MAST2: variants seen among roughly 807,000 people sequenced by gnomAD.
MAST2 encodes the protein microtubule-associated serine/threonine-protein kinase 2.
In MAST2, 70 loss-of-function variants were observed where a neutral mutation model predicts 147.4. The ratio of observed to expected loss-of-function variants is 0.47; its 90% CI spans 0.39 to 0.58. The LOEUF (loss-of-function observed/expected upper bound fraction) is 0.58. Ranked by LOEUF, MAST2 falls within the 20% of genes least tolerant of loss-of-function variation. The probability of loss-of-function intolerance (pLI) is 0.00; values close to 1 mark genes in which losing one functional copy is unlikely to be tolerated. For synonymous variants in MAST2, 869 were observed against 896.8 expected, an observed-to-expected ratio of 0.97 and a Z score of 0.55; for missense variants, 2,080 against 2,302.3, an observed-to-expected ratio of 0.90 and a Z score of 1.98.
chr1:45,919,195 C>T (rs1653049749), intron 4 of MAST2, among the ~76,000 whole-genome samples: 1 of 151,820 alleles, frequency 6.6e-6, no homozygotes, highest in South Asian at 2.1e-4. Context: ...TTATTTGAAC[C>T]CATGATGATT....
At chr1:45,842,793 T>A (rs1645317548) in intron 3 of MAST2, among the ~76,000 whole-genome samples, 1 of 152,212 alleles carries the variant, frequency 6.6e-6, no homozygotes, top group Non-Finnish European at 1.5e-5. Context: ...TCAGTTCTTT[T>A]GGGGATATAC....
chr1:46,009,201 T>C (rs981296955), intron 9 of MAST2, among the ~76,000 whole-genome samples: 1 of 152,178 alleles, frequency 6.6e-6, no homozygotes, highest in Non-Finnish European at 1.5e-5. Context: ...ACTACAGGCA[T>C]GCGCCACCAC....
intron 4 of MAST2, among the ~76,000 whole-genome samples, chr1:45,893,847 TA>T (rs1189180440): frequency 6.6e-6 from 1 of 152,166 alleles, no homozygotes; most frequent in Admixed American, 6.5e-5. Context: ...AACAAAATAT[TA>T]AACCTAATTA....
intron 5 of MAST2, among the ~76,000 whole-genome samples, chr1:45,978,975 CCT>C (rs1447207456): frequency 6.6e-6 from 1 of 152,082 alleles, no homozygotes. Context: ...ATACTAAAAA[CCT>C]CTAAACTGCA....
intron 1 of MAST2, among the ~76,000 whole-genome samples, chr1:45,810,941 C>T (rs1160045432): frequency 4.7e-5 from 7 of 150,348 alleles, no homozygotes; most frequent in Non-Finnish European, 1.0e-4. Context: ...CAACTTCCAC[C>T]TCCCAGGTTC....
chr1:45,872,536 A>C (rs1246584043), intron 3 of MAST2, among the ~76,000 whole-genome samples: 1 of 148,694 alleles, frequency 6.7e-6, no homozygotes, highest in Non-Finnish European at 1.5e-5. Flanking sequence ...GCTGGAGTGC[A>C]ATGGGGCAAT....
At chr1:45,928,561 CTCTT>C (rs1557919864) in intron 4 of MAST2, among the ~76,000 whole-genome samples, 1 of 131,198 alleles carries the variant, frequency 7.6e-6, no homozygotes, top group Admixed American at 8.2e-5. Context: ...TGTCTGATCA[CTCTT>C]TCTTTTTTTT....
chr1:45,940,532 T>C (rs1657084058), intron 4 of MAST2, among the ~76,000 whole-genome samples: 1 of 152,194 alleles, frequency 6.6e-6, no homozygotes, highest in Non-Finnish European at 1.5e-5. Flanking sequence ...ACAAAATGTT[T>C]TCTTTGGGAA....
chr1:46,006,221 C>A lies in MAST2; in HGVS notation c.748-20C>A, dbSNP rs373299356. ...CTGGGACATGTCTTTAATGCCACTTCTTAATGTTTTCCCCTCTAGTCATCA... is the reference window on the plus strand; with the variant it reads ...CTGGGACATGTCTTTAATGCCACTTATTAATGTTTTCCCCTCTAGTCATCA... On this transcript the variant is annotated intron_variant, in intron 7 of 28. Coordinates refer to ENST00000361297, the MANE Select transcript of MAST2 (RefSeq NM_015112.3). The A allele has an allele frequency of 2.5e-6, 4 of 1,604,868 alleles. No individual in the cohort carries two copies. The highest frequency in any genetic ancestry group is 1.7e-5 in the Admixed American group (1 of 59,334).
Position 46,031,340 on chromosome 1 carries a change from G to A in MAST2, c.2992+50G>A. ...GACCTAAGCTGGAGGATACTGCAGGGCAGGGAGGCTCAGCGGCATCGCGGG... is the reference window on the plus strand; with the variant it reads ...GACCTAAGCTGGAGGATACTGCAGGACAGGGAGGCTCAGCGGCATCGCGGG... On this transcript the variant is annotated intron_variant, in intron 23 of 28. Coordinates refer to ENST00000361297, the MANE Select transcript of MAST2 (RefSeq NM_015112.3). The surrounding 1 kb of genome is among the most constrained non-coding windows in gnomAD (Gnocchi z 4.1). The A allele has an allele frequency of 6.4e-7, 1 of 1,574,622 alleles. No individual in the cohort carries two copies. Among genetic ancestry groups the A allele is most frequent in the Non-Finnish European group, 8.6e-7 (1 of 1,156,490 alleles).
At chr1:45,816,712 G>T (rs1476564340) in intron 1 of MAST2, among the ~76,000 whole-genome samples, 4 of 152,196 alleles carry the variant, frequency 2.6e-5, no homozygotes, top group South Asian at 2.1e-4. Flanking sequence ...ATGGAGTCTC[G>T]CTCTGTTGCC....
In MAST2 at chr1:46,010,743, TG is replaced by T; in HGVS notation, c.994del (p.Glu332LysfsTer4). ...TTTTCTTCCCAGGCCACCGCACAAA[TG>T]GAAGAGCGACTAGCAGAGTTTATTT... ...KERFPKATAQ[M>X]EERLAEFISS... On this transcript the variant is annotated frameshift_variant, in exon 10 of 29. Coordinates refer to ENST00000361297, the MANE Select transcript of MAST2 (RefSeq NM_015112.3). LOFTEE classifies it high-confidence loss of function. The T allele has an allele frequency of 1.2e-6, 2 of 1,613,392 alleles. No homozygotes were observed. The highest frequency in any genetic ancestry group is 1.7e-6 in the Non-Finnish European group (2 of 1,179,906).
intron 3 of MAST2, among the ~76,000 whole-genome samples, chr1:45,854,728 C>T (rs76187572): frequency 0.01 from 1,570 of 152,182 alleles, 18 homozygotes; most frequent in South Asian, 0.018. Context: ...CCCTGTACAC[C>T]AAACAGCAGA....
intron 4 of MAST2, among the ~76,000 whole-genome samples, chr1:45,884,726 C>T (rs1647006780): frequency 6.6e-6 from 1 of 152,120 alleles, no homozygotes; most frequent in South Asian, 2.1e-4. Flanking sequence ...TTATCTTTAA[C>T]ATTAGAGGAG....
At chr1:45,913,265 A>G (rs1376771357) in intron 4 of MAST2, among the ~76,000 whole-genome samples, 2 of 152,196 alleles carry the variant, frequency 1.3e-5, no homozygotes. Context: ...TTGAGAATGA[A>G]TAATGCTGCA....
intron 3 of MAST2, among the ~76,000 whole-genome samples, chr1:45,833,487 C>T (rs962201329): frequency 6.6e-6 from 1 of 152,028 alleles, no homozygotes; most frequent in African/African-American, 2.4e-5. Flanking sequence ...TTGCTATGAA[C>T]ATTCATGTAC....
At chr1:45,954,348 C>A (rs1659360574) in intron 4 of MAST2, among the ~76,000 whole-genome samples, 1 of 152,164 alleles carries the variant, frequency 6.6e-6, no homozygotes, top group African/African-American at 2.4e-5. Context: ...CTACTACTCT[C>A]CAAATGTGGT....
intron 4 of MAST2, among the ~76,000 whole-genome samples, chr1:45,901,728 T>G (rs1649804323): frequency 6.6e-6 from 1 of 152,182 alleles, no homozygotes; most frequent in South Asian, 2.1e-4. Flanking sequence ...CCTAAGTATT[T>G]TATTTTGGTT....
chr1:45,886,526 T>G (rs1453350083), intron 4 of MAST2, among the ~76,000 whole-genome samples: 1 of 152,096 alleles, frequency 6.6e-6, no homozygotes, highest in Non-Finnish European at 1.5e-5. Flanking sequence ...CTAAATCATT[T>G]TCATTTTTAG....
Sources: allele counts gnomAD v4.1 joint callset (sites outside exome capture counted in the v4.1 genomes callset), GRCh38; gene constraint gnomAD v4.1.1; non-coding constraint Gnocchi (gnomAD v3.1); transcripts MANE v1.5; gene names NCBI Gene and HGNC (gene_info 2026-07-23, HGNC 2026-07-21).